UNC80: variants seen among roughly 807,000 people sequenced by gnomAD.
UNC80 encodes the protein unc-80 subunit of NALCN channel complex.
Under a neutral mutation model 384.6 loss-of-function variants are expected in UNC80, and 164 were observed. The observed-to-expected ratio is 0.43, with a 90% CI of 0.38 to 0.49. The LOEUF is 0.49. Ranked by LOEUF, UNC80 falls within the 20% of genes least tolerant of loss-of-function variation. The pLI is 0.00. For synonymous variants in UNC80, 1,486 were observed against 1,527.8 expected, an observed-to-expected ratio of 0.97 and a Z score of 0.64; for missense variants, 3,330 against 4,143.0, an observed-to-expected ratio of 0.80 and a Z score of 5.39.
chr2:209,945,817 A>T (rs1305338053), intron 46 of UNC80, 30 bp from the exon 47 acceptor site: 1 of 1,471,356 alleles, frequency 6.8e-7, no homozygotes, highest in Non-Finnish European at 9.3e-7. Flanking sequence ...ATCCACTCTG[A>T]TAGTTTGCCT....
chr2:209,869,187 A>T (rs1472420642), intron 22 of UNC80: 1 of 152,000 alleles, frequency 6.6e-6, no homozygotes, highest in African/African-American at 2.4e-5. Flanking sequence ...CCATTATGTC[A>T]TGCCTCCATC....
chr2:209,788,741 G>A lies in UNC80; in HGVS notation c.725-791G>A, dbSNP rs145000134. Among the ~76,000 whole-genome samples, 776 of 151,086 alleles carry A rather than the reference G, an allele frequency of 5.1e-3. 9 individuals carry two copies. Among genetic ancestry groups the A allele is most frequent in the African/African-American group, 0.018 (734 of 41,372 alleles). On this transcript the variant is annotated intron_variant, in intron 5 of 64. Coordinates refer to ENST00000673920, the MANE Select transcript of UNC80 (RefSeq NM_001371986.1). Reference sequence around the variant, plus strand: ...AAGCCTATTACAAAAGAGTCAAAAAGTTTAAAAAACTAAAAAGTTTATAAA... The same window carrying A: ...AAGCCTATTACAAAAGAGTCAAAAAATTTAAAAAACTAAAAAGTTTATAAA...
At chr2:209,984,984 C>A (rs1575227348) in intron 61 of UNC80, 72 bp downstream of exon 61, 1 of 1,253,622 alleles carries the variant, frequency 8.0e-7, no homozygotes, top group Non-Finnish European at 1.1e-6. Flanking sequence ...TCCTCTGTCT[C>A]TCTGTCTTCT....
chr2:209,894,048 T>C (rs999868802), intron 26 of UNC80, 115 bp from the exon 27 acceptor site: 3 of 630,358 alleles, frequency 4.8e-6, no homozygotes, highest in Non-Finnish European at 5.9e-6. Flanking sequence ...TTGTCCAGAG[T>C]GCTCATCCAG....
At chr2:209,955,714 TATATATATATATATATATATATATAC>T (rs2092377095) in intron 48 of UNC80, among the ~76,000 whole-genome samples, 1 of 78,168 alleles carries the variant, frequency 1.3e-5, no homozygotes, top group Non-Finnish European at 2.3e-5. Flanking sequence ...TATATATATA[TATATATATATATATATATATATATAC>T]ACACACACAC....
intron 29 of UNC80, among the ~76,000 whole-genome samples, chr2:209,907,579 A>G (rs552493968): frequency 3.3e-5 from 5 of 152,292 alleles, no homozygotes; most frequent in Admixed American, 3.3e-4. Flanking sequence ...AGAGGTGAGT[A>G]TGAAGGGCCA....
chr2:209,814,992 G>T (rs777300585), intron 8 of UNC80, among the ~76,000 whole-genome samples: 5 of 151,296 alleles, frequency 3.3e-5, no homozygotes, highest in Non-Finnish European at 7.4e-5. Context: ...AAAAAAGAGA[G>T]ATCCATCTTC....
chr2:209,915,418 A>C (rs558833191), intron 31 of UNC80, among the ~76,000 whole-genome samples: 14 of 151,656 alleles, frequency 9.2e-5, no homozygotes, highest in East Asian at 5.8e-4. Context: ...AAAAAAAAAA[A>C]AAAAAACAAA....
At chr2:209,955,736 T>TACACAC (rs1334701986) in intron 48 of UNC80, among the ~76,000 whole-genome samples, 3 of 61,412 alleles carry the variant, frequency 4.9e-5, no homozygotes, top group East Asian at 4.0e-4. Flanking sequence ...TATATATATA[T>TACACAC]ATACACACAC....
intron 45 of UNC80, among the ~76,000 whole-genome samples, 180 bp downstream of exon 45, chr2:209,943,694 T>C (rs2091768955): frequency 6.6e-6 from 1 of 152,234 alleles, no homozygotes; most frequent in Admixed American, 6.5e-5. Flanking sequence ...GCTTCAGGTA[T>C]GTCCTGATTG....
chr2:209,899,768 G>T (rs150385976), intron 28 of UNC80, among the ~76,000 whole-genome samples: 1 of 152,234 alleles, frequency 6.6e-6, no homozygotes, highest in East Asian at 1.9e-4. Context: ...CCATCACAAT[G>T]AAATTTCCAA....
At chr2:209,888,312 G>T (rs2086018212) in intron 26 of UNC80, 52 bp downstream of exon 26, 1 of 1,538,864 alleles carries the variant, frequency 6.5e-7, no homozygotes. Context: ...GTTTCTCATA[G>T]GATATTTGCA....
At chr2:209,959,403 A>G in intron 50 of UNC80, 86 bp from the exon 51 acceptor site, 1 of 1,305,740 alleles carries the variant, frequency 7.7e-7, no homozygotes, top group Non-Finnish European at 1.1e-6. Flanking sequence ...GGAATCTTAT[A>G]TTTTTCTTCA....
chr2:209,881,178 T>G (rs1179083958), intron 25 of UNC80, 84 bp downstream of exon 25: 3 of 1,444,150 alleles, frequency 2.1e-6, no homozygotes, highest in South Asian at 1.4e-5. Flanking sequence ...ACAGTTTTCT[T>G]AAATGTTCCA....
At chr2:209,970,386 C>G (rs2092850317) in intron 53 of UNC80, 1 of 175,862 alleles carries the variant, frequency 5.7e-6, no homozygotes, top group Non-Finnish European at 1.2e-5. Context: ...TGTGTGGAAA[C>G]CATCTTAGAG....
At chr2:209,933,556 T>A (rs1355716530) in intron 38 of UNC80, among the ~76,000 whole-genome samples, 1 of 45,668 alleles carries the variant, frequency 2.2e-5, no homozygotes, top group East Asian at 7.0e-4. Context: ...AGTGACATGA[T>A]GCCTGGGTGG....
chr2:209,939,281 G>C (rs1386968091), intron 42 of UNC80, among the ~76,000 whole-genome samples, 191 bp from the exon 43 acceptor site: 1 of 152,140 alleles, frequency 6.6e-6, no homozygotes, highest in East Asian at 1.9e-4. Flanking sequence ...GGAAGTAAGA[G>C]GCAATTGAGA....
At chr2:209,938,172 G>A (rs1407475168) in intron 42 of UNC80, among the ~76,000 whole-genome samples, 2 of 152,120 alleles carry the variant, frequency 1.3e-5, no homozygotes, top group Admixed American at 1.3e-4. Context: ...CTGTACTTAG[G>A]TTTAAGGTTG....
Position 209,772,101 on chromosome 2 carries a change from A to C in UNC80, c.29A>C (p.Gln10Pro), listed in dbSNP as rs1196785320. The C allele has an allele frequency of 3.2e-6, 5 of 1,549,366 alleles. No individual in the cohort carries two copies. In the South Asian group the frequency reaches 4.8e-5, roughly 15 times the overall value. The part of the protein sequence containing the change: MVKRKSSEG[Q>P]EQDGGRGIPL... ...GTGAAGAGGAAGAGCTCCGAGGGCC[A>C]GGAGCAGGACGGCGGCCGCGGCATC... The change falls in exon 1 of 65, where the codon CAG (glutamine) becomes CCG (proline). Residue 10 changes from glutamine (Q) to proline (P), a missense_variant. Physicochemically the swap from Gln to Pro is moderately conservative, Grantham distance 76. Around this residue, in one of 8 missense-constraint regions of UNC80, gnomAD observed 86 missense variants for 141.5 expected, o/e 0.61. Transcript: ENST00000673920.
Sources: gnomAD v4.1 joint callset for allele counts (sites outside exome capture counted in the v4.1 genomes callset) on GRCh38, gnomAD v4.1.1 for gene constraint, gnomAD v4.1.1 regional missense constraint, MANE v1.5 for transcripts, NCBI Gene and HGNC (gene_info 2026-07-23, HGNC 2026-07-21) for gene names.